The following MICAL2 variants were observed in gnomAD, a reference collection of about 807,000 sequenced individuals.
MICAL2 encodes the protein [F-actin]-monooxygenase MICAL2.
A neutral mutation model predicts 127.3 loss-of-function variants in MICAL2; 77 were observed. That is an observed-to-expected ratio of 0.60 (90% CI 0.50 to 0.73). MICAL2 has a LOEUF of 0.73. Among genes scored for constraint, MICAL2 ranks in the 30% least tolerant of loss-of-function variants. The pLI, the probability that MICAL2 is intolerant of heterozygous loss-of-function variation, is 0.00. For missense variants in MICAL2, 1,351 were observed against 1,434.4 expected (o/e 0.94, Z 0.94); for synonymous variants, 570 against 551.1 (o/e 1.03, Z -0.48).
intron 15 of MICAL2, among the ~76,000 whole-genome samples, chr11:12,229,945 A>G (rs1280385929): frequency 6.6e-6 from 1 of 152,194 alleles, no homozygotes; most frequent in Non-Finnish European, 1.5e-5. Context: ...TTGGATAGGT[A>G]GAGATATTTG....
chr11:12,139,817 G>C (rs900845362), intron 2 of MICAL2, among the ~76,000 whole-genome samples: 1 of 152,194 alleles, frequency 6.6e-6, no homozygotes, highest in African/African-American at 2.4e-5. Flanking sequence ...GTAGGGAGGG[G>C]AGTGTGAGCA....
Position 12,220,334 on chromosome 11 carries a change from A to T in MICAL2, c.1082A>T (p.Tyr361Phe), listed in dbSNP as rs143372192. Residue 361 changes from tyrosine (Y) to phenylalanine (F), a missense_variant, in exon 9 of 28, where the codon TAT becomes TTT. Tyr to Phe is a conservative substitution (Grantham distance 22). Coordinates refer to ENST00000683283, the MANE Select transcript of MICAL2 (RefSeq NM_001282663.2). ...TCCTTAGACTTTGCCATGAACCACT[A>T]TGGGCAGCCTGATGTGGCCATGTTT... ...LPSLDFAMNH[Y>F]GQPDVAMFDF... 6.2e-6 allele frequency: 10 copies of T among 1,614,168 alleles called. No homozygotes were observed. Among genetic ancestry groups the T allele is most frequent in the Non-Finnish European group, 8.5e-6 (10 of 1,180,028 alleles).
At chr11:12,301,845 A>G (rs146252335) in intron 29 of MICAL2, among the ~76,000 whole-genome samples, 71 of 152,260 alleles carry the variant, frequency 4.7e-4, no homozygotes, top group Non-Finnish European at 8.5e-4. Flanking sequence ...CGATGATTCC[A>G]TTTCAAAGGA....
rs150333205 is a variant in MICAL2 at position 12,203,297 on chromosome 11, C to T, written c.265-953C>T. ...ATATCTAGGAGTGGAATTGCTAGCT[C>T]CTGTGGTTTAAACCTCTATGTTTAA... On this transcript the variant is annotated intron_variant, in intron 3 of 27. Transcript: ENST00000683283. Among the ~76,000 whole-genome samples, 285 of 152,242 alleles carry T rather than the reference C, an allele frequency of 1.9e-3. 2 individuals are homozygous for T. The highest frequency in any genetic ancestry group is 2.9e-3 in the Admixed American group (45 of 15,286).
chr11:12,259,155 A>C (rs921238754), intron 25 of MICAL2, among the ~76,000 whole-genome samples: 1 of 151,862 alleles, frequency 6.6e-6, no homozygotes, highest in African/African-American at 2.4e-5. Context: ...TGGGAAGGAA[A>C]GAATATAAAG....
chr11:12,190,586 AG>A (rs1858967843), intron 3 of MICAL2, among the ~76,000 whole-genome samples: 1 of 152,218 alleles, frequency 6.6e-6, no homozygotes, highest in South Asian at 2.1e-4. Context: ...TTCACAGACA[AG>A]GTTGCATATG....
At chr11:12,305,295 C>A (rs758438967) in intron 29 of MICAL2, among the ~76,000 whole-genome samples, 1 of 152,070 alleles carries the variant, frequency 6.6e-6, no homozygotes, top group Non-Finnish European at 1.5e-5. Flanking sequence ...AGAAGCAAAG[C>A]GGGAAGACCC....
downstream of MICAL2, among the ~76,000 whole-genome samples, chr11:12,296,099 T>C (rs945746673): frequency 1.3e-5 from 2 of 152,040 alleles, no homozygotes; most frequent in Non-Finnish European, 1.5e-5. Context: ...TATTATCTCA[T>C]CCCCTCTCCT....
At chr11:12,240,915 C>T in intron 17 of MICAL2, 125 bp from the exon 18 acceptor site, 2 of 1,284,116 alleles carry the variant, frequency 1.6e-6, no homozygotes, top group Non-Finnish European at 1.1e-6. Context: ...CCAGTGCTTC[C>T]TCTGCACTTG....
At chr11:12,352,185 C>T (rs935971684) in intron 33 of MICAL2, among the ~76,000 whole-genome samples, 2 of 152,176 alleles carry the variant, frequency 1.3e-5, no homozygotes, top group Admixed American at 1.3e-4. Flanking sequence ...TATATAGCTA[C>T]TGTGTCTGCA....
At chr11:12,296,023 A>T (rs1863981677), downstream of MICAL2, among the ~76,000 whole-genome samples, 1 of 152,132 alleles carries the variant, frequency 6.6e-6, no homozygotes, top group African/African-American at 2.4e-5. Context: ...TTTAAATTCT[A>T]AAATTAATAT....
At chr11:12,276,461 GC>G (rs1468689980) in intron 1 of MICAL2, 1 of 232,012 alleles carries the variant, frequency 4.3e-6, no homozygotes, top group African/African-American at 2.3e-5. Flanking sequence ...TTCTCAGGAG[GC>G]AGTGTCATGC....
At chr11:12,293,822 C>T (rs777594156), downstream of MICAL2, 1 of 1,606,266 alleles carries the variant, frequency 6.2e-7, no homozygotes, top group African/African-American at 1.3e-5. Flanking sequence ...CCACAGAGAC[C>T]CACACCCCAT....
chr11:12,311,749 C>T (rs1387394036), intron 29 of MICAL2, among the ~76,000 whole-genome samples: 9 of 152,146 alleles, frequency 5.9e-5, no homozygotes, highest in African/African-American at 9.7e-5. Flanking sequence ...ATTAAGCTTA[C>T]GCTAGTCTCA....
At chr11:12,358,718 C>G, downstream of MICAL2, 1 of 318,760 alleles carries the variant, frequency 3.1e-6, no homozygotes, top group Non-Finnish European at 5.8e-6. Context: ...CAGCCAGGCT[C>G]TCAGACTGGA....
At chr11:12,113,026 T>C (rs1451616685) in intron 1 of MICAL2, among the ~76,000 whole-genome samples, 1 of 152,080 alleles carries the variant, frequency 6.6e-6, no homozygotes, top group African/African-American at 2.4e-5. Flanking sequence ...AAGCCTTGGC[T>C]CTGGCAGGAC....
At chr11:12,356,430 C>T (rs774984544) in intron 34 of MICAL2, among the ~76,000 whole-genome samples, 1 of 152,202 alleles carries the variant, frequency 6.6e-6, no homozygotes, top group Non-Finnish European at 1.5e-5. Flanking sequence ...CCCAGGGTGA[C>T]TGGCAAGTAA....
chr11:12,258,093 A>T (rs1018430237), intron 24 of MICAL2, among the ~76,000 whole-genome samples: 1 of 152,174 alleles, frequency 6.6e-6, no homozygotes, highest in Non-Finnish European at 1.5e-5. Context: ...ATTATAAAGG[A>T]TGCAGAGGAG....
At chr11:12,261,252 A>G in intron 26 of MICAL2, 1 of 985,494 alleles carries the variant, frequency 1.0e-6, no homozygotes, top group South Asian at 4.7e-5. Flanking sequence ...TGTGGTCAAA[A>G]CAGAAACCAA....
Sources: allele counts gnomAD v4.1 joint callset (sites outside exome capture counted in the v4.1 genomes callset), GRCh38; gene constraint gnomAD v4.1.1; transcripts MANE v1.5; gene names NCBI Gene and HGNC (gene_info 2026-07-23, HGNC 2026-07-21).